The following LRRC4C variants were observed in gnomAD, a reference collection of about 807,000 sequenced individuals.
LRRC4C encodes leucine rich repeat containing 4C.
Under a neutral mutation model 33.6 loss-of-function variants are expected in LRRC4C, and 5 were observed. The ratio of observed to expected loss-of-function variants is 0.15; its 90% CI spans 0.08 to 0.31. The LOEUF is 0.31. LRRC4C is among the 10% of genes least tolerant of loss of function. LRRC4C has a pLI of 1.00. For synonymous variants in LRRC4C, 329 were observed against 302.0 expected (o/e 1.09, Z -0.93); for missense variants, 560 against 796.7 (o/e 0.70, Z 3.58).
intron 2 of LRRC4C, among the ~76,000 whole-genome samples, chr11:40,842,434 T>C (rs553502641): frequency 5.9e-5 from 9 of 152,318 alleles, no homozygotes; most frequent in Admixed American, 1.3e-4. Flanking sequence ...CAAATAATAA[T>C]TGCATATATT....
chr11:41,362,831 A>T (rs1314691795), intron 1 of LRRC4C, among the ~76,000 whole-genome samples: 1 of 151,866 alleles, frequency 6.6e-6, no homozygotes, highest in Non-Finnish European at 1.5e-5. Context: ...TCATCTTCAC[A>T]GCCAGCAGTA....
In LRRC4C at chr11:40,914,524, A is replaced by G. The variant is rs150375152; in HGVS notation, c.-407+19111T>C. 4.0e-3 allele frequency among the ~76,000 whole-genome samples: 609 copies of G among 152,304 alleles called. 4 individuals carry two copies. Among genetic ancestry groups the G allele is most frequent in the Middle Eastern group, 6.8e-3 (2 of 294 alleles). ...CCTTCATGCTAATAACTCTCAATAA[A>G]TTAGGTATTGATGGGACATATCTCA... On this transcript the variant is annotated intron_variant, in intron 2 of 6. Transcript: ENST00000528697.
rs199853873 is a variant in LRRC4C at position 40,633,394 on chromosome 11, T to TC, written c.-270+14747dup. 2.6e-3 allele frequency among the ~76,000 whole-genome samples: 319 copies of TC among 121,712 alleles called. 8 individuals are homozygous for TC. Among genetic ancestry groups the TC allele is most frequent in the Middle Eastern group, 8.1e-3 (2 of 246 alleles). 79.8% of individuals were successfully genotyped at this position (121,712 alleles called of 152,430 possible). A position where few individuals can be genotyped will look rare whatever the true frequency, so the allele number is the denominator to read the frequency against. ...CTTTCTCTCTCTTTCTTTCTTTCTT[T>TC]CTTTTTTTTTTTTTGACAGAGTCTC... On this transcript the variant is annotated intron_variant, in intron 3 of 6. Transcript: ENST00000528697.
At chr11:40,706,678 G>T (rs1452786304) in intron 2 of LRRC4C, among the ~76,000 whole-genome samples, 3 of 152,166 alleles carry the variant, frequency 2.0e-5, no homozygotes, top group Non-Finnish European at 4.4e-5. Flanking sequence ...GCTTAGGATT[G>T]TCTTGTCAAT....
At chr11:40,476,823 T>C (rs1235635412) in intron 3 of LRRC4C, among the ~76,000 whole-genome samples, 5 of 152,200 alleles carry the variant, frequency 3.3e-5, no homozygotes, top group Non-Finnish European at 7.4e-5. Context: ...ATTATAAACA[T>C]TTTTTAAAAA....
intron 1 of LRRC4C, among the ~76,000 whole-genome samples, chr11:41,355,757 A>G (rs1053515771): frequency 1.3e-5 from 2 of 152,092 alleles, no homozygotes. Context: ...ATGGTTAAAT[A>G]TTGACAATTT....
chr11:40,838,395 A>G (rs992274971), intron 2 of LRRC4C, among the ~76,000 whole-genome samples: 13 of 152,168 alleles, frequency 8.5e-5, no homozygotes. Flanking sequence ...CTGGCCATTC[A>G]GCTCATGAAA....
intron 2 of LRRC4C, among the ~76,000 whole-genome samples, chr11:40,873,891 A>C (rs1011296271): frequency 3.3e-5 from 5 of 152,218 alleles, no homozygotes; most frequent in Non-Finnish European, 7.3e-5. Flanking sequence ...ATCCAAAGCA[A>C]TACATTTCCC....
intron 2 of LRRC4C, among the ~76,000 whole-genome samples, chr11:40,852,170 A>T (rs1355807388): frequency 6.6e-6 from 1 of 151,508 alleles, no homozygotes; most frequent in African/African-American, 2.4e-5. Context: ...CATTAGAATT[A>T]CTTAGGAATT....
In LRRC4C at chr11:40,746,197, C is replaced by G. The variant is rs1948409124; in HGVS notation, c.-406-97919G>C. On this transcript the variant is annotated intron_variant, in intron 2 of 6. Transcript: ENST00000528697. ...TTCCACCATGGACTCATGAGAAGTCCTCAACCTTTGCAGGCCCTAAAACTA... is the reference window on the plus strand; with the variant it reads ...TTCCACCATGGACTCATGAGAAGTCGTCAACCTTTGCAGGCCCTAAAACTA... 2.0e-5 allele frequency among the ~76,000 whole-genome samples: 3 copies of G among 152,250 alleles called. No homozygotes were observed. In the South Asian group the frequency reaches 6.2e-4, roughly 32 times the overall value.
At chr11:40,632,473 A>G (rs1211817503) in intron 3 of LRRC4C, among the ~76,000 whole-genome samples, 1 of 152,240 alleles carries the variant, frequency 6.6e-6, no homozygotes, top group Non-Finnish European at 1.5e-5. Flanking sequence ...TGGCTTTTGC[A>G]TATCTGTATT....
intron 5 of LRRC4C, among the ~76,000 whole-genome samples, chr11:40,217,274 C>T (rs1864045536): frequency 6.6e-6 from 1 of 151,944 alleles, no homozygotes; most frequent in Non-Finnish European, 1.5e-5. Flanking sequence ...ATATTAATAT[C>T]TCAAGTTTAT....
At chr11:40,188,131 T>C (rs1209474035) in intron 5 of LRRC4C, among the ~76,000 whole-genome samples, 1 of 152,234 alleles carries the variant, frequency 6.6e-6, no homozygotes, top group East Asian at 1.9e-4. Flanking sequence ...GTTTTATCAG[T>C]AGCAAAATAA....
Position 40,631,353 on chromosome 11 carries a change from G to A in LRRC4C, c.-270+16789C>T, listed in dbSNP as rs1044218981. On this transcript the variant is annotated intron_variant, in intron 3 of 6. Transcript: ENST00000528697. ...CTCTTAAGATGCCAGGGAGATGGAG[G>A]ATAGGGTGAGGGTGGTGCCCCAGTA... 2.6e-5 allele frequency among the ~76,000 whole-genome samples: 4 copies of A among 152,194 alleles called. No homozygotes were observed. The East Asian group carries it at 5.8e-4, about 22-fold the overall frequency.
chr11:41,205,229 C>T (rs1242266139), intron 1 of LRRC4C, among the ~76,000 whole-genome samples: 1 of 152,130 alleles, frequency 6.6e-6, no homozygotes, highest in Admixed American at 6.5e-5. Flanking sequence ...GCTATATAAA[C>T]TATGATGATG....
intron 1 of LRRC4C, among the ~76,000 whole-genome samples, chr11:41,082,426 GCTTT>G (rs1479347755): frequency 8.2e-6 from 1 of 121,816 alleles, no homozygotes; most frequent in Non-Finnish European, 1.6e-5. Context: ...CAAATCTCAC[GCTTT>G]TTTTTTTTTT....
At position 40,686,725 on chromosome 11, in the gene LRRC4C, T is replaced by C. The variant is rs1173355128; in HGVS notation, c.-406-38447A>G. Among the ~76,000 whole-genome samples, 3 of 152,136 alleles carry C rather than the reference T, an allele frequency of 2.0e-5. No homozygotes were observed. In the East Asian group the frequency reaches 5.8e-4, roughly 29 times the overall value. On this transcript the variant is annotated intron_variant, in intron 2 of 6. Coordinates refer to ENST00000528697, the MANE Select transcript of LRRC4C (RefSeq NM_001258419.2). Reference sequence around the variant, plus strand: ...ATTCATCTTACAAGAGCAGTGTTTCTCTAATTATATTAAGAGTTTGAGAAA... The same window carrying C: ...ATTCATCTTACAAGAGCAGTGTTTCCCTAATTATATTAAGAGTTTGAGAAA...
intron 3 of LRRC4C, among the ~76,000 whole-genome samples, chr11:40,369,423 G>T (rs554215943): frequency 4.6e-5 from 7 of 152,100 alleles, no homozygotes; most frequent in Non-Finnish European, 8.8e-5. Flanking sequence ...CGGAATCACC[G>T]CAAACTCTGC....
intron 1 of LRRC4C, among the ~76,000 whole-genome samples, chr11:41,355,349 A>C (rs560108342): frequency 6.6e-6 from 1 of 152,244 alleles, no homozygotes; most frequent in South Asian, 2.1e-4. Context: ...AATTTTATCC[A>C]CCAAAATTAC....
Sources: allele counts gnomAD v4.1 joint callset (sites outside exome capture counted in the v4.1 genomes callset), GRCh38; gene constraint gnomAD v4.1.1; transcripts MANE v1.5; gene names NCBI Gene and HGNC (gene_info 2026-07-23, HGNC 2026-07-21).